Variants in CCDC171 observed in about 807,000 individuals in gnomAD.
The protein encoded by CCDC171 is coiled-coil domain containing 171.
In CCDC171, 177 loss-of-function variants were observed where a neutral mutation model predicts 168.2. The observed-to-expected ratio is 1.05, with a 90% CI of 0.93 to 1.19. The LOEUF is 1.19. CCDC171 is among the 50% of genes most tolerant of loss of function. The pLI, the probability that CCDC171 is intolerant of heterozygous loss-of-function variation, is 0.00. For missense variants in CCDC171, 1,991 were observed against 1,539.0 expected (o/e 1.29, Z -4.91); for synonymous variants, 687 against 540.8 (o/e 1.27, Z -3.75).
At position 15,960,350 on chromosome 9, in the gene CCDC171, A is replaced by C. The variant is rs1038870382; in HGVS notation, c.3754-11259A>C. Among the ~76,000 whole-genome samples the C allele has an allele frequency of 7.0e-4, 107 of 152,186 alleles. 1 individual carries two copies. The highest frequency in any genetic ancestry group is 2.4e-3 in the African/African-American group (98 of 41,446). Reference sequence around the variant, plus strand: ...TACCTGGAACAGTATTTGGCACATCATAGGCACTTGATAGATATTTACTGA... The same window carrying C: ...TACCTGGAACAGTATTTGGCACATCCTAGGCACTTGATAGATATTTACTGA... On this transcript the variant is annotated intron_variant, in intron 25 of 25. Transcript: ENST00000380701.
chr9:15,575,940 A>C (rs1279045982), intron 3 of CCDC171, among the ~76,000 whole-genome samples: 1 of 151,992 alleles, frequency 6.6e-6, no homozygotes, highest in Non-Finnish European at 1.5e-5. Context: ...AAAAATGCAA[A>C]AATTAGCTGG....
chr9:15,680,012 C>T (rs1371385443), intron 10 of CCDC171, among the ~76,000 whole-genome samples: 2 of 152,152 alleles, frequency 1.3e-5, no homozygotes, highest in Admixed American at 6.6e-5. Flanking sequence ...ATTCTATCTT[C>T]TCCACTCTCA....
intron 10 of CCDC171, 28 bp from the exon 11 acceptor site, chr9:15,695,207 T>A: frequency 6.8e-7 from 1 of 1,472,318 alleles, no homozygotes; most frequent in Non-Finnish European, 9.5e-7. Context: ...TACGTGACCT[T>A]ATGTGTAATT....
At chr9:15,751,356 T>G (rs574159005) in intron 18 of CCDC171, among the ~76,000 whole-genome samples, 1 of 152,146 alleles carries the variant, frequency 6.6e-6, no homozygotes, top group African/African-American at 2.4e-5. Flanking sequence ...CTGCCCAAAA[T>G]AATTTATAGA....
chr9:15,787,334 T>C (rs943545286), intron 21 of CCDC171, among the ~76,000 whole-genome samples: 1 of 152,180 alleles, frequency 6.6e-6, no homozygotes, highest in African/African-American at 2.4e-5. Flanking sequence ...TCTTTCTGTC[T>C]AGCTGAAACT....
At chr9:15,585,749 G>A (rs550353569) in intron 4 of CCDC171, among the ~76,000 whole-genome samples, 251 of 152,140 alleles carry the variant, frequency 1.6e-3, no homozygotes, top group African/African-American at 5.7e-3. Flanking sequence ...AGGTGGAGGC[G>A]GGTGGATCGC....
At chr9:15,958,061 C>G (rs1297161989) in intron 25 of CCDC171, among the ~76,000 whole-genome samples, 2 of 151,974 alleles carry the variant, frequency 1.3e-5, no homozygotes, top group East Asian at 1.9e-4. Context: ...TAAAAGATGC[C>G]CTGTTCATTT....
At chr9:15,636,584 A>G (rs943290659) in intron 7 of CCDC171, among the ~76,000 whole-genome samples, 3 of 151,672 alleles carry the variant, frequency 2.0e-5, no homozygotes, top group Non-Finnish European at 2.9e-5. Context: ...TATCATCCCT[A>G]CAAAAAATAC....
chr9:15,737,814 G>A (rs543325217), intron 16 of CCDC171, among the ~76,000 whole-genome samples: 5 of 152,190 alleles, frequency 3.3e-5, no homozygotes, highest in African/African-American at 7.2e-5. Context: ...TAGATAATAG[G>A]ATTGCTAGAT....
intron 21 of CCDC171, among the ~76,000 whole-genome samples, chr9:15,817,465 G>C (rs147118481): frequency 0.043 from 5,012 of 117,810 alleles, 1,572 homozygotes; most frequent in African/African-American, 0.15. Flanking sequence ...GAGTGACAGA[G>C]GGCACCTGGA....
At position 15,817,970 on chromosome 9, in the gene CCDC171, C is replaced by T. The variant is rs573911818; in HGVS notation, c.3268-28732C>T. On this transcript the variant is annotated intron_variant, in intron 21 of 25. Coordinates refer to ENST00000380701, the MANE Select transcript of CCDC171 (RefSeq NM_173550.4). ...GGTAGGGGCAGACTGACACCTCACA[C>T]GGCCGGGTACTCCTCTGAGACAAAA... 3.6e-4 allele frequency among the ~76,000 whole-genome samples: 42 copies of T among 117,142 alleles called. 10 individuals are homozygous for T. The highest frequency in any genetic ancestry group is 1.1e-3 in the African/African-American group (33 of 31,192). The allele number at this position is 117,142 out of a possible 152,430, so 76.8% of individuals were successfully genotyped here. A position where few individuals can be genotyped will look rare whatever the true frequency, so the allele number is the denominator to read the frequency against.
intron 18 of CCDC171, among the ~76,000 whole-genome samples, chr9:15,772,963 A>T (rs6474968): frequency 6.6e-6 from 1 of 152,056 alleles, no homozygotes; most frequent in Non-Finnish European, 1.5e-5. Context: ...TTAGTTAACA[A>T]TACTCATTAT....
intron 21 of CCDC171, among the ~76,000 whole-genome samples, chr9:15,825,663 A>G (rs766754693): frequency 1.6e-4 from 25 of 152,066 alleles, no homozygotes; most frequent in Non-Finnish European, 3.4e-4. Context: ...TTTTCTTTCA[A>G]GTTTGGGGCA....
the CCDC171 span, among the ~76,000 whole-genome samples, chr9:16,081,011 A>T: frequency 3.0e-4 from 46 of 152,162 alleles, no homozygotes; most frequent in African/African-American, 1.1e-3. Context: ...CGGAACTTAG[A>T]ATCCATTTTC....
chr9:15,833,466 G>A (rs567543829), intron 21 of CCDC171, among the ~76,000 whole-genome samples: 3 of 152,300 alleles, frequency 2.0e-5, no homozygotes, highest in Admixed American at 1.3e-4. Flanking sequence ...AAATCTGTGA[G>A]TGAAGTTTAT....
At chr9:15,822,573 C>G (rs1362863773) in intron 21 of CCDC171, among the ~76,000 whole-genome samples, 1 of 152,070 alleles carries the variant, frequency 6.6e-6, no homozygotes, top group Non-Finnish European at 1.5e-5. Flanking sequence ...AGCCAAAAAA[C>G]ACATGAAAAA....
At chr9:15,647,432 C>T (rs1261224450) in intron 7 of CCDC171, among the ~76,000 whole-genome samples, 1 of 151,770 alleles carries the variant, frequency 6.6e-6, no homozygotes, top group East Asian at 1.9e-4. Flanking sequence ...CACAAAAAAC[C>T]CTTCAAAAAA....
chr9:15,560,134 A>T (rs914507462), intron 1 of CCDC171, among the ~76,000 whole-genome samples: 1 of 152,048 alleles, frequency 6.6e-6, no homozygotes, highest in Non-Finnish European at 1.5e-5. Flanking sequence ...TTTGTGGGTA[A>T]CCTGACGTTT....
At chr9:15,981,328 GAC>G (rs1430497698) in intron 3 of CCDC171, among the ~76,000 whole-genome samples, 1 of 152,138 alleles carries the variant, frequency 6.6e-6, no homozygotes, top group African/African-American at 2.4e-5. Context: ...ACCACATAAG[GAC>G]ACAGTGAGAA....
Sources: gnomAD v4.1 joint callset for allele counts (sites outside exome capture counted in the v4.1 genomes callset) on GRCh38, gnomAD v4.1.1 for gene constraint, MANE v1.5 for transcripts, NCBI Gene and HGNC (gene_info 2026-07-23, HGNC 2026-07-21) for gene names.